GLS: variants seen among roughly 807,000 people sequenced by gnomAD.
GLS encodes the protein glutaminase kidney isoform, mitochondrial.
In GLS, 36 loss-of-function variants were observed where a neutral mutation model predicts 86.7. The observed-to-expected ratio is 0.42, with a 90% CI of 0.32 to 0.55. The LOEUF is 0.55. Ranked by LOEUF, GLS falls within the 20% of genes least tolerant of loss-of-function variation. GLS has a pLI of 0.17. For synonymous variants in GLS, 317 were observed against 305.9 expected (o/e 1.04, Z -0.38); for missense variants, 528 against 833.4 (o/e 0.63, Z 4.51).
chr2:190,918,994 C>G (rs373580160), intron 7 of GLS, among the ~76,000 whole-genome samples: 1 of 152,062 alleles, frequency 6.6e-6, no homozygotes, highest in Non-Finnish European at 1.5e-5. Context: ...AATGACTGAT[C>G]ACAGATCCCC....
chr2:190,948,705 C>T (rs1243273449), intron 14 of GLS, among the ~76,000 whole-genome samples: 4 of 152,118 alleles, frequency 2.6e-5, no homozygotes, highest in Admixed American at 1.3e-4. Flanking sequence ...ACAAATGCTC[C>T]ATGTGGTCAT....
At position 190,911,157 on chromosome 2, in the gene GLS, AT is replaced by A. The variant is rs1465667559; in HGVS notation, c.1038+838del. 2.6e-5 allele frequency among the ~76,000 whole-genome samples: 4 copies of A among 151,830 alleles called. No individual in the cohort carries two copies. In the South Asian group the frequency reaches 8.3e-4, roughly 31 times the overall value. ...TTCTTTGGTAAATCTGTGCCTATCTATTCCAAGTTAGAGGAAAGCATAACTA... is the reference window on the plus strand; with the variant it reads ...TTCTTTGGTAAATCTGTGCCTATCTATCCAAGTTAGAGGAAAGCATAACTA... On this transcript the variant is annotated intron_variant, in intron 7 of 17. Transcript: ENST00000320717.
chr2:190,953,561 A>G lies in GLS; in HGVS notation c.1651-4A>G. ...AGGATGCCTAAACTTTCTTTTCTTC[A>G]CAGGTAAAGTCAGTGATAAATCTTT... On this transcript the variant is annotated splice_region_variant and splice_polypyrimidine_tract_variant and intron_variant, in intron 14 of 17. Transcript: ENST00000320717. This position sits in a 1 kb window ranked among gnomAD's most constrained non-coding sequence, Gnocchi z 4.0. 6.2e-7 allele frequency: 1 copy of G among 1,603,114 alleles called. No individual in the cohort carries two copies. Among genetic ancestry groups the G allele is most frequent in the South Asian group, 1.1e-5 (1 of 90,854 alleles).
rs771235067 is a variant in GLS, at chr2:190,938,619, A to G, written c.1650+6982A>G. Among the ~76,000 whole-genome samples, 1 of 151,412 alleles carries G rather than the reference A, an allele frequency of 6.6e-6. No homozygotes were observed. Among genetic ancestry groups the G allele is most frequent in the East Asian group, 1.9e-4 (1 of 5,196 alleles). ...GGTTTCCTAGCACTTTGCTTTTTCT[A>G]TTAGCATATTTAGATTTTTTTCTCT... On this transcript the variant is annotated intron_variant, in intron 14 of 17. Transcript: ENST00000320717. The surrounding 1 kb of genome is among the most constrained non-coding windows in gnomAD (Gnocchi z 4.1).
chr2:190,904,794 T>C (rs1217389702), intron 5 of GLS, among the ~76,000 whole-genome samples: 3 of 152,138 alleles, frequency 2.0e-5, no homozygotes, highest in Admixed American at 2.0e-4. Flanking sequence ...CCATGGAGTT[T>C]GGTATCACAG....
At chr2:190,915,354 A>G (rs561634369) in intron 7 of GLS, among the ~76,000 whole-genome samples, 41 of 152,050 alleles carry the variant, frequency 2.7e-4, no homozygotes, top group African/African-American at 8.7e-4. Context: ...CAAACAACCC[A>G]TATGGGTTTG....
chr2:190,915,653 C>T (rs1397443705), intron 7 of GLS, among the ~76,000 whole-genome samples: 1 of 152,098 alleles, frequency 6.6e-6, no homozygotes, highest in African/African-American at 2.4e-5. Flanking sequence ...AATTAATCTG[C>T]CTTTAGTCCA....
rs1363181242 is a variant in GLS at position 190,892,612 on chromosome 2, GA to G, written c.387-2536del. Reference sequence around the variant, plus strand: ...ACCAGAAAGAATTAATTTAGGGAGAGAAAAGGGGGGTTAAGGCATGAATGAT... The same window carrying G: ...ACCAGAAAGAATTAATTTAGGGAGAGAAAGGGGGGTTAAGGCATGAATGAT... On this transcript the variant is annotated intron_variant, in intron 1 of 17. Transcript: ENST00000320717. Among the ~76,000 whole-genome samples the G allele has an allele frequency of 2.0e-5, 3 of 152,110 alleles. No individual in the cohort carries two copies. In the East Asian group the frequency reaches 5.8e-4, roughly 29 times the overall value.
At chr2:190,904,939 T>A in intron 5 of GLS, 65 bp from the exon 6 acceptor site, 1 of 909,598 alleles carries the variant, frequency 1.1e-6, no homozygotes, top group Non-Finnish European at 1.8e-6. Flanking sequence ...AAAGAATAAT[T>A]CCAACTATGC....
intron 1 of GLS, among the ~76,000 whole-genome samples, chr2:190,887,452 A>G (rs1026080246): frequency 1.3e-5 from 2 of 152,172 alleles, no homozygotes; most frequent in Admixed American, 6.5e-5. Context: ...TTACTTTCGA[A>G]ACATAGAACT....
intron 14 of GLS, among the ~76,000 whole-genome samples, chr2:190,952,878 C>T (rs956890599): frequency 2.0e-5 from 3 of 152,148 alleles, no homozygotes; most frequent in Admixed American, 1.3e-4. Flanking sequence ...TTCCTCTTAA[C>T]TATAAGAAAA....
chr2:190,931,186 T>G (rs920669502), intron 13 of GLS, among the ~76,000 whole-genome samples: 2 of 152,164 alleles, frequency 1.3e-5, no homozygotes, highest in African/African-American at 2.4e-5. Context: ...AGTATGACCT[T>G]GGAGTGCATA....
chr2:190,909,632 G>A (rs1331232983), intron 6 of GLS, among the ~76,000 whole-genome samples: 2 of 152,194 alleles, frequency 1.3e-5, no homozygotes, highest in Non-Finnish European at 1.5e-5. Flanking sequence ...CTTATTTATT[G>A]TAAGAATTAG....
chr2:190,887,231 T>G (rs1310321106), intron 1 of GLS, among the ~76,000 whole-genome samples: 2 of 152,198 alleles, frequency 1.3e-5, no homozygotes, highest in African/African-American at 4.8e-5. Context: ...ATAGAGATAC[T>G]GTTAGTACAG....
chr2:190,958,938 C>T (rs1230501532), intron 17 of GLS, among the ~76,000 whole-genome samples: 1 of 152,084 alleles, frequency 6.6e-6, no homozygotes, highest in African/African-American at 2.4e-5. Context: ...ATTAGGTCTG[C>T]TTGGTCCAGA....
At chr2:190,950,646 G>C (rs1202413398) in intron 14 of GLS, among the ~76,000 whole-genome samples, 2 of 152,192 alleles carry the variant, frequency 1.3e-5, no homozygotes, top group Admixed American at 6.5e-5. Flanking sequence ...CATGTACCTG[G>C]GTGCTAGGAC....
chr2:190,931,637 G>C lies in GLS; in HGVS notation c.1650G>C (p.Arg550Ser). 1 of 1,449,650 alleles carries C rather than the reference G, an allele frequency of 6.9e-7. No homozygotes were observed. The allele number at this position is 1,449,650 out of a possible 1,614,324, so 89.8% of individuals were successfully genotyped here. The change falls in exon 14 of 18, where the codon AGG (arginine) becomes AGC (serine). Residue 550 changes from arginine (R) to serine (S), a missense_variant and splice_region_variant. Physicochemically the swap from Arg to Ser is moderately radical, Grantham distance 110 (BLOSUM62 -1). This residue lies in a region of GLS where 163 missense variants were observed against 429.2 expected (regional missense o/e 0.38). Coordinates refer to ENST00000320717, the MANE Select transcript of GLS (RefSeq NM_014905.5). ...LDPRREGGDQ[R>S]VKSVINLLFA... Reference sequence around the variant, plus strand: ...CTCGAAGAGAAGGTGGTGATCAAAGGGTAAGCAAAATTCTTATTTAGATAA... The same window carrying C: ...CTCGAAGAGAAGGTGGTGATCAAAGCGTAAGCAAAATTCTTATTTAGATAA...
intron 6 of GLS, among the ~76,000 whole-genome samples, chr2:190,908,143 C>T (rs1689227178): frequency 6.6e-6 from 1 of 152,052 alleles, no homozygotes; most frequent in Non-Finnish European, 1.5e-5. Context: ...TTCTCTATAT[C>T]TAGAGAATAT....
Position 190,954,617 on chromosome 2 carries a change from G to A in GLS, c.1746G>A (p.Arg582=). ...FALSAMDMEQ[R]DYDSRTALHV... ...TGTCAGCTATGGACATGGAACAGCG[G>A]GACTATGATTCTAGAACAGCACTCC... Residue 582 remains arginine, a synonymous_variant, in exon 16 of 18, where the codon CGG becomes CGA. Transcript: ENST00000320717. This position sits in a 1 kb window ranked among gnomAD's most constrained non-coding sequence, Gnocchi z 4.0. 1.2e-6 allele frequency: 2 copies of A among 1,613,148 alleles called. No individual in the cohort carries two copies. The highest frequency in any genetic ancestry group is 1.7e-6 in the Non-Finnish European group (2 of 1,179,222).
Sources: allele counts gnomAD v4.1 joint callset (sites outside exome capture counted in the v4.1 genomes callset), GRCh38; gene constraint gnomAD v4.1.1; regional missense constraint gnomAD v4.1.1; non-coding constraint Gnocchi (gnomAD v3.1); transcripts MANE v1.5; gene names NCBI Gene and HGNC (gene_info 2026-07-23, HGNC 2026-07-21).